The following DST variants were observed in gnomAD, a reference collection of about 807,000 sequenced individuals.
DST encodes dystonin.
Under a neutral mutation model 875.2 loss-of-function variants are expected in DST, and 253 were observed. The observed-to-expected ratio is 0.29, with a 90% CI of 0.26 to 0.32. The LOEUF is 0.32. Among genes scored for constraint, DST ranks in the 10% least tolerant of loss-of-function variants. The probability of loss-of-function intolerance (pLI) is 1.00; values close to 1 mark genes in which losing one functional copy is unlikely to be tolerated. For missense variants in DST, 8,287 were observed against 9,111.6 expected (o/e 0.91, Z 3.68); for synonymous variants, 3,124 against 3,197.1 (o/e 0.98, Z 0.77).
chr6:56,611,879 A>T (rs1326637798), intron 37 of DST, among the ~76,000 whole-genome samples: 1 of 152,224 alleles, frequency 6.6e-6, no homozygotes, highest in African/African-American at 2.4e-5. Flanking sequence ...AGCCGTGGAT[A>T]AAGGTGGCCT....
In DST at chr6:56,701,566, G is replaced by C. The variant is rs2099307534; in HGVS notation, c.954+322C>G. 1.3e-5 allele frequency among the ~76,000 whole-genome samples: 2 copies of C among 152,060 alleles called. 1 individual carries two copies. Among genetic ancestry groups the C allele is most frequent in the South Asian group, 4.2e-4 (2 of 4,812 alleles). On this transcript the variant is annotated intron_variant, in intron 8 of 103. Transcript: ENST00000680361. ...CCCCACAATTAAGAACTGTTCATAG[G>C]CATTCTTAACATTCTATTGCTACTA...
At chr6:56,843,512 C>A (rs1027390908) in intron 4 of DST, 3 of 985,606 alleles carry the variant, frequency 3.0e-6, no homozygotes, top group Non-Finnish European at 2.4e-6. Context: ...GGCGGGCGCC[C>A]GGACCCTCTG....
chr6:56,623,604 T>G (rs147987406), intron 36 of DST, among the ~76,000 whole-genome samples: 268 of 152,356 alleles, frequency 1.8e-3, no homozygotes, highest in African/African-American at 6.3e-3. Flanking sequence ...CCAATAGATG[T>G]TTACTGCTGT....
chr6:56,680,401 A>G (rs1006850113), intron 9 of DST, among the ~76,000 whole-genome samples: 2 of 152,156 alleles, frequency 1.3e-5, no homozygotes, highest in Non-Finnish European at 2.9e-5. Flanking sequence ...TCACAGTCTC[A>G]CTCATTCAGC....
In DST at chr6:56,464,775, G is replaced by A. The variant is rs2094500838; in HGVS notation, c.22688-19C>T. 8 of 1,554,492 alleles carry A rather than the reference G, an allele frequency of 5.1e-6. No individual in the cohort carries two copies. Among genetic ancestry groups the A allele is most frequent in the Non-Finnish European group, 7.0e-6 (8 of 1,138,060 alleles). ...TGATGAACTAGAAAAAATGACACAG[G>A]ATACCAATCACATTAAAGAATACTG... On this transcript the variant is annotated intron_variant, in intron 99 of 103. Transcript: ENST00000680361.
At chr6:56,930,751 TAAGA>T (rs1809750243) in intron 2 of DST, among the ~76,000 whole-genome samples, 2 of 152,188 alleles carry the variant, frequency 1.3e-5, no homozygotes, top group South Asian at 4.1e-4. Context: ...TTCATTTATA[TAAGA>T]AAGATATGAA....
At chr6:56,647,149 G>A (rs1022313443) in intron 13 of DST, among the ~76,000 whole-genome samples, 1 of 152,218 alleles carries the variant, frequency 6.6e-6, no homozygotes, top group Non-Finnish European at 1.5e-5. Flanking sequence ...GGAAATAAGT[G>A]TATTTGAACA....
At chr6:56,916,778 T>TCTCTCTCTCTCTCTCTCTCACA (rs1470233953) in intron 2 of DST, among the ~76,000 whole-genome samples, 1 of 91,346 alleles carries the variant, frequency 1.1e-5, no homozygotes, top group African/African-American at 5.1e-5. Context: ...TCTCTCTCTC[T>TCTCTCTCTCTCTCTCTCTCACA]CACACACACA....
At chr6:56,792,469 C>T (rs142760722) in intron 4 of DST, among the ~76,000 whole-genome samples, 27 of 151,830 alleles carry the variant, frequency 1.8e-4, no homozygotes, top group African/African-American at 6.5e-4. Flanking sequence ...ACTAAATGAT[C>T]GATTTTTTTT....
intron 2 of DST, among the ~76,000 whole-genome samples, chr6:56,908,693 T>C (rs1049631363): frequency 3.9e-5 from 6 of 152,058 alleles, no homozygotes; most frequent in African/African-American, 7.2e-5. Flanking sequence ...CAGGATGAGA[T>C]AGGAGGTTGG....
intron 5 of DST, among the ~76,000 whole-genome samples, chr6:56,732,464 ACT>A (rs2099504356): frequency 6.6e-6 from 1 of 152,116 alleles, no homozygotes; most frequent in Non-Finnish European, 1.5e-5. Context: ...TATAATTTTG[ACT>A]TTTTTCCTTT....
At chr6:56,706,692 T>C (rs2099340595) in intron 5 of DST, among the ~76,000 whole-genome samples, 3 of 152,112 alleles carry the variant, frequency 2.0e-5, no homozygotes. Flanking sequence ...CCTAGATCCC[T>C]CACATGCACA....
intron 36 of DST, chr6:56,616,928 A>G: frequency 6.2e-7 from 1 of 1,608,130 alleles, no homozygotes; most frequent in Non-Finnish European, 8.5e-7. Context: ...GGGATCAATT[A>G]TAAAACCTGT....
At chr6:56,655,254 G>A (rs896881189) in intron 10 of DST, among the ~76,000 whole-genome samples, 2 of 151,544 alleles carry the variant, frequency 1.3e-5, no homozygotes, top group East Asian at 1.9e-4. Flanking sequence ...CAACTGCAAG[G>A]AGCATGAAAC....
chr6:56,546,620 A>G (rs1028963252), intron 61 of DST, among the ~76,000 whole-genome samples: 1 of 151,938 alleles, frequency 6.6e-6, no homozygotes, highest in African/African-American at 2.4e-5. Flanking sequence ...CCAGTTCTTG[A>G]GCAGCTCCAG....
At chr6:56,798,882 G>C (rs12210355) in intron 4 of DST, among the ~76,000 whole-genome samples, 2 of 152,160 alleles carry the variant, frequency 1.3e-5, no homozygotes, top group Non-Finnish European at 2.9e-5. Context: ...ACTTTGAAGG[G>C]TTGAGGACTT....
intron 4 of DST, among the ~76,000 whole-genome samples, chr6:56,814,671 T>C (rs184707988): frequency 1.3e-5 from 2 of 152,226 alleles, no homozygotes; most frequent in East Asian, 3.9e-4. Context: ...ACAGAACTAT[T>C]AAAAGCAAAC....
At position 56,506,562 on chromosome 6, in the gene DST, G is replaced by A. The variant is rs374249204; in HGVS notation, c.19363-18C>T. The A allele has an allele frequency of 3.7e-6, 6 of 1,609,204 alleles. No individual in the cohort carries two copies. Among genetic ancestry groups the A allele is most frequent in the Non-Finnish European group, 4.2e-6 (5 of 1,176,932 alleles). ...GAATTTAACTACAAGATGTATGTTA[G>A]AATTCTTTTAGTGCCATATTTTAAA... is the stretch of plus-strand genomic sequence containing the variant. On this transcript the variant is annotated intron_variant, in intron 76 of 103. Coordinates refer to ENST00000680361, the MANE Select transcript of DST (RefSeq NM_001374736.1).
At chr6:56,868,881 A>G (rs1591879869) in intron 3 of DST, among the ~76,000 whole-genome samples, 1 of 152,220 alleles carries the variant, frequency 6.6e-6, no homozygotes, top group Non-Finnish European at 1.5e-5. Context: ...GCACTTCTCA[A>G]TACCCTATGT....
Sources: allele counts gnomAD v4.1 joint callset (sites outside exome capture counted in the v4.1 genomes callset), GRCh38; gene constraint gnomAD v4.1.1; transcripts MANE v1.5; gene names NCBI Gene and HGNC (gene_info 2026-07-23, HGNC 2026-07-21).